The following NXPH1 variants were observed in gnomAD, a reference collection of about 807,000 sequenced individuals.
NXPH1 encodes neurexophilin-1.
Under a neutral mutation model 23.7 loss-of-function variants are expected in NXPH1, and 5 were observed. The observed-to-expected ratio is 0.21, with a 90% CI of 0.11 to 0.44. The LOEUF is 0.44. NXPH1 is among the 20% of genes least tolerant of loss of function. NXPH1 has a pLI of 0.99. For missense variants in NXPH1, 324 were observed against 321.6 expected (o/e 1.01, Z -0.06); for synonymous variants, 144 against 122.2 (o/e 1.18, Z -1.18).
At chr7:8,705,433 A>G (rs910681466) in intron 2 of NXPH1, among the ~76,000 whole-genome samples, 2 of 152,170 alleles carry the variant, frequency 1.3e-5, no homozygotes, top group Non-Finnish European at 2.9e-5. Flanking sequence ...AGGACGGTGA[A>G]CCTAAAGTAG....
At chr7:8,547,459 A>C (rs1325548616) in intron 2 of NXPH1, among the ~76,000 whole-genome samples, 2 of 149,514 alleles carry the variant, frequency 1.3e-5, no homozygotes, top group Non-Finnish European at 3.0e-5. Flanking sequence ...AAATAAATGA[A>C]AGACTAGAAA....
intron 2 of NXPH1, among the ~76,000 whole-genome samples, chr7:8,745,628 C>T (rs1780455042): frequency 6.6e-6 from 1 of 151,966 alleles, no homozygotes; most frequent in Non-Finnish European, 1.5e-5. Context: ...TCTTGGCTCA[C>T]TGCAACCTCT....
chr7:8,545,106 A>G (rs1467204234), intron 2 of NXPH1, among the ~76,000 whole-genome samples: 1 of 151,536 alleles, frequency 6.6e-6, no homozygotes, highest in Admixed American at 6.6e-5. Flanking sequence ...CTACCAGGGA[A>G]ATGTCTCTTC....
At chr7:8,495,572 A>G (rs1223407558) in intron 2 of NXPH1, among the ~76,000 whole-genome samples, 5 of 151,902 alleles carry the variant, frequency 3.3e-5, no homozygotes, top group South Asian at 2.1e-4. Flanking sequence ...ATTTTTTTTC[A>G]TATTCTAAAA....
chr7:8,577,035 T>G (rs1051375218), intron 2 of NXPH1, among the ~76,000 whole-genome samples: 10 of 152,166 alleles, frequency 6.6e-5, no homozygotes, highest in African/African-American at 2.4e-4. Context: ...TTATTATAAC[T>G]TTGAAATAAT....
intron 2 of NXPH1, among the ~76,000 whole-genome samples, chr7:8,573,648 C>CT (rs1319155029): frequency 2.0e-5 from 3 of 152,110 alleles, no homozygotes; most frequent in Non-Finnish European, 4.4e-5. Context: ...AATGAGCTTT[C>CT]TTTTTGCAGG....
intron 2 of NXPH1, among the ~76,000 whole-genome samples, chr7:8,565,820 CT>C (rs1274707314): frequency 2.6e-5 from 4 of 151,710 alleles, no homozygotes; most frequent in African/African-American, 9.7e-5. Flanking sequence ...GTTTGGCTTT[CT>C]ATTTCTATGA....
chr7:8,453,799 A>G (rs972481649), intron 2 of NXPH1, among the ~76,000 whole-genome samples: 1 of 152,044 alleles, frequency 6.6e-6, no homozygotes, highest in East Asian at 1.9e-4. Context: ...ATATGTACCA[A>G]ATTTTTTTTA....
At chr7:8,474,987 T>C (rs888458809) in intron 2 of NXPH1, among the ~76,000 whole-genome samples, 8 of 152,118 alleles carry the variant, frequency 5.3e-5, no homozygotes, top group African/African-American at 1.9e-4. Context: ...AGAGCAGAAA[T>C]GCCATTACCA....
chr7:8,526,176 C>T (rs761658684), intron 2 of NXPH1, among the ~76,000 whole-genome samples: 5 of 152,226 alleles, frequency 3.3e-5, no homozygotes, highest in African/African-American at 4.8e-5. Context: ...GATCTGGAGT[C>T]AAAGGATATC....
chr7:8,694,679 C>T (rs1172958628), intron 2 of NXPH1, among the ~76,000 whole-genome samples: 1 of 152,120 alleles, frequency 6.6e-6, no homozygotes, highest in Non-Finnish European at 1.5e-5. Context: ...TTATAATTAA[C>T]AAATGTCAAG....
At chr7:8,677,683 A>G (rs1820973657) in intron 2 of NXPH1, among the ~76,000 whole-genome samples, 1 of 152,228 alleles carries the variant, frequency 6.6e-6, no homozygotes, top group African/African-American at 2.4e-5. Context: ...TTAGTTTCCA[A>G]CTATACAAGG....
intron 2 of NXPH1, among the ~76,000 whole-genome samples, chr7:8,556,369 T>C (rs1262182409): frequency 1.3e-5 from 2 of 151,706 alleles, no homozygotes; most frequent in Non-Finnish European, 3.0e-5. Context: ...CTCTACTGAG[T>C]CTGGAGCATC....
intron 2 of NXPH1, among the ~76,000 whole-genome samples, chr7:8,492,015 G>T (rs1208431733): frequency 6.6e-6 from 1 of 151,928 alleles, no homozygotes; most frequent in African/African-American, 2.4e-5. Context: ...CATAATTTAT[G>T]CCACTTACCT....
At chr7:8,581,318 A>G (rs887487188) in intron 2 of NXPH1, among the ~76,000 whole-genome samples, 1 of 152,214 alleles carries the variant, frequency 6.6e-6, no homozygotes, top group Non-Finnish European at 1.5e-5. Flanking sequence ...AAGATGTTGA[A>G]TTGGCTCATA....
chr7:8,716,796 T>G (rs945660535), intron 2 of NXPH1, among the ~76,000 whole-genome samples: 1 of 152,210 alleles, frequency 6.6e-6, no homozygotes, highest in African/African-American at 2.4e-5. Flanking sequence ...TATGTACTAG[T>G]TGGTAAACAG....
chr7:8,510,137 G>T (rs890791635), intron 2 of NXPH1, among the ~76,000 whole-genome samples: 1 of 152,134 alleles, frequency 6.6e-6, no homozygotes, highest in African/African-American at 2.4e-5. Flanking sequence ...AAGGAGCTCA[G>T]CTTTAGCACC....
intron 2 of NXPH1, among the ~76,000 whole-genome samples, chr7:8,579,721 A>G (rs1420477993): frequency 1.3e-5 from 2 of 152,174 alleles, no homozygotes; most frequent in Non-Finnish European, 2.9e-5. Context: ...TGTTTTATCC[A>G]CTTGGTTTCA....
At chr7:8,653,243 G>T (rs956330480) in intron 2 of NXPH1, among the ~76,000 whole-genome samples, 1 of 150,556 alleles carries the variant, frequency 6.6e-6, no homozygotes, top group South Asian at 2.1e-4. Flanking sequence ...AAAAATAAAC[G>T]TTCCTAAATA....
Sources: gnomAD v4.1 joint callset for allele counts (sites outside exome capture counted in the v4.1 genomes callset) on GRCh38, gnomAD v4.1.1 for gene constraint, MANE v1.5 for transcripts, NCBI Gene and HGNC (gene_info 2026-07-23, HGNC 2026-07-21) for gene names.